The following IL36B variants were observed in gnomAD, a reference collection of about 807,000 sequenced individuals.
IL36B encodes interleukin 36 beta, also known as interleukin-36 beta.
IL36B carries 23 observed loss-of-function variants against 19.3 expected under a neutral mutation model. The observed-to-expected ratio is 1.19, with a 90% CI of 0.86 to 1.69. The LOEUF (loss-of-function observed/expected upper bound fraction) is 1.69. IL36B is among the 40% of genes most tolerant of loss of function. The probability of loss-of-function intolerance (pLI) is 0.00; values close to 1 mark genes in which losing one functional copy is unlikely to be tolerated. For synonymous variants in IL36B, 59 were observed against 59.7 expected (o/e 0.99, Z 0.05); for missense variants, 217 against 200.5 (o/e 1.08, Z -0.50).
chr2:113,032,257 C>T (rs931835139), intron 1 of IL36B, among the ~76,000 whole-genome samples: 6 of 151,984 alleles, frequency 3.9e-5, no homozygotes, highest in African/African-American at 1.4e-4. Flanking sequence ...TGTAGCTAAC[C>T]TGCCTCACTG....
At chr2:113,046,260 A>C (rs1217940175) in intron 1 of IL36B, among the ~76,000 whole-genome samples, 1 of 143,960 alleles carries the variant, frequency 6.9e-6, no homozygotes, top group Non-Finnish European at 1.5e-5. Context: ...CCCAGGCTGG[A>C]GTGCAGTGGC....
At chr2:113,031,224 G>T (rs1685069221) in intron 2 of IL36B, 69 bp from the exon 3 acceptor site, 3 of 1,024,314 alleles carry the variant, frequency 2.9e-6, no homozygotes, top group South Asian at 2.6e-5. Context: ...TTGCATCCTG[G>T]TATTAATGGC....
At chr2:113,051,751 G>A (rs1023712514) in intron 1 of IL36B, among the ~76,000 whole-genome samples, 1 of 152,140 alleles carries the variant, frequency 6.6e-6, no homozygotes, top group Admixed American at 6.5e-5. Context: ...TTCTGCTCAC[G>A]GCTCCCTGGA....
chr2:113,035,698 G>T (rs1685155044), intron 1 of IL36B, among the ~76,000 whole-genome samples: 1 of 152,148 alleles, frequency 6.6e-6, no homozygotes, highest in Non-Finnish European at 1.5e-5. Context: ...AAATGGGTGA[G>T]ATAAATAAAT....
chr2:113,050,236 A>T (rs1685419101), intron 1 of IL36B, among the ~76,000 whole-genome samples: 1 of 152,256 alleles, frequency 6.6e-6, no homozygotes, highest in South Asian at 2.1e-4. Flanking sequence ...ACGAATAAAG[A>T]AAATGTGGTA....
intron 4 of IL36B, chr2:113,026,306 G>A (rs996423650): frequency 4.4e-6 from 7 of 1,590,644 alleles, no homozygotes; most frequent in Admixed American, 1.7e-5. Flanking sequence ...TTGGTTGCAC[G>A]GCAATGACTG....
chr2:113,037,236 T>A (rs1207968458), intron 1 of IL36B, among the ~76,000 whole-genome samples: 1 of 152,230 alleles, frequency 6.6e-6, no homozygotes. Context: ...CCCAGGGATG[T>A]TCCCAGCATA....
chr2:113,037,935 T>C (rs919528787), intron 1 of IL36B, among the ~76,000 whole-genome samples: 4 of 152,230 alleles, frequency 2.6e-5, no homozygotes, highest in African/African-American at 7.2e-5. Flanking sequence ...TAAATTTGCA[T>C]AGATAATTTG....
At chr2:113,042,139 G>A (rs1685269479) in intron 1 of IL36B, among the ~76,000 whole-genome samples, 1 of 152,192 alleles carries the variant, frequency 6.6e-6, no homozygotes, top group Non-Finnish European at 1.5e-5. Flanking sequence ...GGCTGTATCT[G>A]AGGCACCTGT....
chr2:113,028,894 A>T, intron 4 of IL36B, 45 bp downstream of exon 4: 1 of 1,580,882 alleles, frequency 6.3e-7, no homozygotes, highest in East Asian at 2.2e-5. Flanking sequence ...TGAAATAGAA[A>T]GTCCATATGA....
intron 1 of IL36B, among the ~76,000 whole-genome samples, chr2:113,035,535 G>A (rs1235113640): frequency 6.6e-6 from 1 of 152,056 alleles, no homozygotes; most frequent in African/African-American, 2.4e-5. Context: ...CAAGAAAGTT[G>A]TGAAGTTTGG....
intron 4 of IL36B, chr2:113,027,591 A>C: frequency 8.6e-7 from 1 of 1,167,210 alleles, no homozygotes; most frequent in East Asian, 5.0e-5. Context: ...AGGAATAGGA[A>C]TGGAAGGTTG....
Position 113,027,413 on chromosome 2 carries a change from C to T in IL36B, c.262-1181G>A, listed in dbSNP as rs372190375. 12 of 947,618 alleles carry T rather than the reference C, an allele frequency of 1.3e-5. No homozygotes were observed. Among genetic ancestry groups the T allele is most frequent in the East Asian group, 1.0e-4 (1 of 9,714 alleles). The allele number at this position is 947,618 out of a possible 1,614,324, so 58.7% of individuals were successfully genotyped here. ...TATACACTGTGTGTCAAATTATTAA[C>T]GAATGACATTAAGAATTCATTAGGA... On this transcript the variant is annotated intron_variant, in intron 4 of 5. Coordinates refer to ENST00000259213, the MANE Select transcript of IL36B (RefSeq NM_014438.5).
intron 1 of IL36B, among the ~76,000 whole-genome samples, chr2:113,036,879 A>C (rs1323928322): frequency 3.3e-5 from 5 of 152,254 alleles, no homozygotes; most frequent in African/African-American, 1.2e-4. Flanking sequence ...CTAGGACGGC[A>C]CTGCCCTGTG....
chr2:113,032,394 C>T (rs1411180763), intron 1 of IL36B, among the ~76,000 whole-genome samples: 3 of 152,048 alleles, frequency 2.0e-5, no homozygotes, highest in African/African-American at 7.2e-5. Context: ...GTTAGGGCAC[C>T]AGAACAGTCC....
rs140075867 is a variant in IL36B, at chr2:113,030,677, G to A, written c.121+371C>T. On this transcript the variant is annotated intron_variant, in intron 3 of 5. Transcript: ENST00000259213. Reference sequence around the variant, plus strand: ...AGAAAAGAGGATGCCAACTTAGAAAGCTGTGTAGGTTTGGTGGTGGAAAGA... The same window carrying A: ...AGAAAAGAGGATGCCAACTTAGAAAACTGTGTAGGTTTGGTGGTGGAAAGA... Among the ~76,000 whole-genome samples, 74 of 152,332 alleles carry A rather than the reference G, an allele frequency of 4.9e-4. No individual in the cohort carries two copies. In the East Asian group the frequency reaches 0.014, roughly 28 times the overall value.
chr2:113,022,973 TTA>T (rs1053425541), intron 5 of IL36B, among the ~76,000 whole-genome samples: 3 of 152,134 alleles, frequency 2.0e-5, no homozygotes, highest in Admixed American at 1.3e-4. Flanking sequence ...GAAAATGAAA[TTA>T]GAGTTGGTGG....
intron 3 of IL36B, among the ~76,000 whole-genome samples, chr2:113,029,622 C>T (rs746439716): frequency 1.3e-5 from 2 of 152,210 alleles, no homozygotes; most frequent in Middle Eastern, 3.4e-3. Flanking sequence ...AGAATGTTAG[C>T]GGTTTTGAGA....
At chr2:113,041,265 G>A (rs993438508) in intron 1 of IL36B, among the ~76,000 whole-genome samples, 5 of 152,044 alleles carry the variant, frequency 3.3e-5, no homozygotes, top group African/African-American at 1.2e-4. Context: ...TCAAGACAAT[G>A]TCTTACTAGC....
Sources: gnomAD v4.1 joint callset for allele counts (sites outside exome capture counted in the v4.1 genomes callset) on GRCh38, gnomAD v4.1.1 for gene constraint, MANE v1.5 for transcripts, NCBI Gene and HGNC (gene_info 2026-07-23, HGNC 2026-07-21) for gene names.